The following AP1G1 variants were observed in gnomAD, a reference collection of about 807,000 sequenced individuals.
AP1G1 encodes the protein adaptor related protein complex 1 subunit gamma 1, also known as AP-1 complex subunit gamma-1.
A neutral mutation model predicts 108.3 loss-of-function variants in AP1G1; 7 were observed. The ratio of observed to expected loss-of-function variants is 0.06; its 90% CI spans 0.04 to 0.12. The LOEUF is 0.12. Among genes scored for constraint, AP1G1 ranks in the 10% least tolerant of loss-of-function variants. The pLI is 1.00. For synonymous variants in AP1G1, 379 were observed against 353.5 expected, an observed-to-expected ratio of 1.07 and a Z score of -0.81; for missense variants, 756 against 1,010.7, an observed-to-expected ratio of 0.75 and a Z score of 3.42.
intron 9 of AP1G1, among the ~76,000 whole-genome samples, chr16:71,762,839 C>T (rs866184925): frequency 4.7e-5 from 7 of 149,492 alleles, no homozygotes; most frequent in Non-Finnish European, 7.5e-5. Flanking sequence ...GTTGTGGGAA[C>T]CCTGACTTAC....
intron 13 of AP1G1, among the ~76,000 whole-genome samples, chr16:71,751,016 C>T (rs2145438644): frequency 6.6e-6 from 1 of 151,470 alleles, no homozygotes; most frequent in Admixed American, 6.6e-5. Flanking sequence ...ATTAGCCGGG[C>T]ATGTGGTGGG....
At chr16:71,786,523 C>A (rs140156464) in intron 2 of AP1G1, among the ~76,000 whole-genome samples, 1 of 152,008 alleles carries the variant, frequency 6.6e-6, no homozygotes, top group South Asian at 2.1e-4. Context: ...TACAGTGGCA[C>A]GATCTCAGCT....
chr16:71,808,410 C>A (rs550732975), intron 1 of AP1G1: 1 of 1,098,596 alleles, frequency 9.1e-7, no homozygotes, highest in South Asian at 1.6e-5. Context: ...AGAAGACACG[C>A]GGGGGTGGGG....
intron 19 of AP1G1, among the ~76,000 whole-genome samples, chr16:71,744,571 G>GTT (rs71856788): frequency 0.036 from 4,163 of 114,276 alleles, 285 homozygotes; most frequent in African/African-American, 0.044. Context: ...GAGAAAGTGT[G>GTT]TTTTTTTTTT....
chr16:71,794,353 A>G (rs928305630), intron 1 of AP1G1, among the ~76,000 whole-genome samples: 6 of 152,192 alleles, frequency 3.9e-5, no homozygotes, highest in African/African-American at 7.2e-5. Context: ...CTTGTACACT[A>G]TAACAAAATA....
chr16:71,808,114 G>C (rs1335154991), intron 1 of AP1G1: 2 of 1,153,252 alleles, frequency 1.7e-6, no homozygotes, highest in Non-Finnish European at 1.1e-6. Flanking sequence ...GGAAGACCGG[G>C]AGAATTATTA....
chr16:71,758,389 G>C (rs539072088), intron 11 of AP1G1: 73 of 518,866 alleles, frequency 1.4e-4, no homozygotes, highest in South Asian at 8.5e-4. Context: ...TGGGGCGTAA[G>C]TACTGTGAAA....
intron 2 of AP1G1, among the ~76,000 whole-genome samples, chr16:71,775,223 G>C: frequency 6.7e-6 from 1 of 149,882 alleles, no homozygotes; most frequent in East Asian, 1.9e-4. Context: ...GAACAGACAG[G>C]GTTTCAACAT....
intron 2 of AP1G1, among the ~76,000 whole-genome samples, chr16:71,788,666 T>A (rs200123593): frequency 1.6e-5 from 2 of 122,002 alleles, no homozygotes; most frequent in African/African-American, 6.1e-5. Context: ...GCTTTTTTTT[T>A]TAAAAAAAAA....
rs1003851705 is a variant in AP1G1, at chr16:71,807,856, G to A, written c.-4+907C>T. 11 of 1,287,854 alleles carry A rather than the reference G, an allele frequency of 8.5e-6. No homozygotes were observed. In the African/African-American group the frequency reaches 1.1e-4, roughly 12 times the overall value. The allele number at this position is 1,287,854 out of a possible 1,614,324, so 79.8% of individuals were successfully genotyped here. A position where few individuals can be genotyped will look rare whatever the true frequency, so the allele number is the denominator to read the frequency against. ...TTTCCGTGCTCAGGGATATATAATA[G>A]GGGAGAAAAAAAAATACCACACAAG... On this transcript the variant is annotated intron_variant, in intron 1 of 22. Transcript: ENST00000299980.
At position 71,774,368 on chromosome 16, in the gene AP1G1, C is replaced by T. The variant is rs904336878; in HGVS notation, c.326+100G>A. The T allele has an allele frequency of 3.0e-6, 4 of 1,333,388 alleles. No homozygotes were observed. In the South Asian group the frequency reaches 5.3e-5, roughly 18 times the overall value. The allele number at this position is 1,333,388 out of a possible 1,614,324, so 82.6% of individuals were successfully genotyped here. A position where few individuals can be genotyped will look rare whatever the true frequency, so the allele number is the denominator to read the frequency against. ...GCAGTGAGTCAAGATCACGCCACTT[C>T]ACTCCAGCCTGGGCAAAAGAGCAAG... On this transcript the variant is annotated intron_variant, in intron 3 of 22. Transcript: ENST00000299980.
chr16:71,738,049 C>G (rs2045571524), intron 21 of AP1G1, among the ~76,000 whole-genome samples: 1 of 152,072 alleles, frequency 6.6e-6, no homozygotes, highest in Non-Finnish European at 1.5e-5. Context: ...ATTTAGAACT[C>G]TTTGTTTGTT....
At chr16:71,736,384 CTTTT>C (rs776717308) in intron 21 of AP1G1, among the ~76,000 whole-genome samples, 1 of 135,140 alleles carries the variant, frequency 7.4e-6, no homozygotes, top group Non-Finnish European at 1.6e-5. Flanking sequence ...TAAAATATGA[CTTTT>C]TTTTTTTTTT....
At chr16:71,745,422 G>A (rs1473155213) in intron 18 of AP1G1, 51 bp downstream of exon 18, 76 of 1,613,362 alleles carry the variant, frequency 4.7e-5, no homozygotes, top group Admixed American at 1.0e-4. Context: ...AAGCTGTAAG[G>A]GACTATAAAA....
chr16:71,758,143 T>A (rs1244266069), intron 11 of AP1G1, among the ~76,000 whole-genome samples: 1 of 152,226 alleles, frequency 6.6e-6, no homozygotes, highest in Non-Finnish European at 1.5e-5. Flanking sequence ...GTTAACTGAA[T>A]GGTTTCAGAG....
intron 19 of AP1G1, 39 bp downstream of exon 19, chr16:71,745,105 A>G (rs1280441789): frequency 1.9e-6 from 3 of 1,608,318 alleles, no homozygotes; most frequent in East Asian, 4.5e-5. Context: ...TGAGGCCTCT[A>G]TCTTTTCCCA....
At chr16:71,750,614 C>T (rs1253123242) in intron 13 of AP1G1, 1 of 302,132 alleles carries the variant, frequency 3.3e-6, no homozygotes, top group Non-Finnish European at 6.4e-6. Context: ...TGGGGTTTCA[C>T]CATGTTGGTC....
chr16:71,800,436 C>G (rs1328372656), intron 1 of AP1G1, among the ~76,000 whole-genome samples: 1 of 150,878 alleles, frequency 6.6e-6, no homozygotes, highest in Non-Finnish European at 1.5e-5. Context: ...AATCCTAGCA[C>G]TTTGGGAGGC....
In AP1G1 at chr16:71,798,312, C is replaced by T. The variant is rs1006627104; in HGVS notation, c.-3-8830G>A. 2.0e-5 allele frequency among the ~76,000 whole-genome samples: 3 copies of T among 152,234 alleles called. No homozygotes were observed. In the East Asian group the frequency reaches 5.8e-4, roughly 30 times the overall value. Reference sequence around the variant, plus strand: ...CTCCCAGATTCAAGCAATTCTCCTGCCTTACCCTACCGAGTAGCCAGGACT... The same window carrying T: ...CTCCCAGATTCAAGCAATTCTCCTGTCTTACCCTACCGAGTAGCCAGGACT... On this transcript the variant is annotated intron_variant, in intron 1 of 22. Coordinates refer to ENST00000299980, the MANE Select transcript of AP1G1 (RefSeq NM_001128.6).
Sources: allele counts gnomAD v4.1 joint callset (sites outside exome capture counted in the v4.1 genomes callset), GRCh38; gene constraint gnomAD v4.1.1; transcripts MANE v1.5; gene names NCBI Gene and HGNC (gene_info 2026-07-23, HGNC 2026-07-21).